SYT16: variants seen among roughly 807,000 people sequenced by gnomAD.
SYT16 encodes the protein synaptotagmin 16, also known as synaptotagmin-16.
A neutral mutation model predicts 61.4 loss-of-function variants in SYT16; 42 were observed. The ratio of observed to expected loss-of-function variants is 0.68; its 90% CI spans 0.53 to 0.89. The LOEUF (loss-of-function observed/expected upper bound fraction) is 0.89, where lower values mean the gene tolerates loss of function less well. Ranked by LOEUF, SYT16 falls within the 40% of genes least tolerant of loss-of-function variation. SYT16 has a pLI of 0.00. For synonymous variants in SYT16, 314 were observed against 302.3 expected (o/e 1.04, Z -0.40); for missense variants, 804 against 807.3 (o/e 1.00, Z 0.05).
intron 3 of SYT16, among the ~76,000 whole-genome samples, chr14:61,998,821 G>A (rs2052874525): frequency 6.6e-6 from 1 of 151,700 alleles, no homozygotes; most frequent in Non-Finnish European, 1.5e-5. Context: ...CTTTATTATG[G>A]TGAAGTTCCC....
chr14:62,075,799 A>T (rs7160693), intron 5 of SYT16, among the ~76,000 whole-genome samples: 2,826 of 152,254 alleles, frequency 0.019, 62 homozygotes, highest in African/African-American at 0.063. Context: ...TATTTAGCCC[A>T]AATCTCAAGT....
At chr14:61,882,111 CA>C (rs1381100664) in intron 1 of SYT16, among the ~76,000 whole-genome samples, 1 of 152,184 alleles carries the variant, frequency 6.6e-6, no homozygotes, top group East Asian at 1.9e-4. Context: ...CTCCACATAG[CA>C]GCCAAAGTGA....
chr14:61,875,890 GT>G (rs1054618029), intron 1 of SYT16, among the ~76,000 whole-genome samples: 1 of 152,166 alleles, frequency 6.6e-6, no homozygotes, highest in Non-Finnish European at 1.5e-5. Context: ...TTTGTCCCAG[GT>G]GCCAAGGAAG....
chr14:61,817,874 A>G (rs2045491265), intron 1 of SYT16, among the ~76,000 whole-genome samples: 1 of 152,218 alleles, frequency 6.6e-6, no homozygotes, highest in Non-Finnish European at 1.5e-5. Flanking sequence ...GTATGTGTGC[A>G]TTTATATGTA....
At chr14:62,015,413 A>G (rs2053630920) in intron 3 of SYT16, among the ~76,000 whole-genome samples, 1 of 152,228 alleles carries the variant, frequency 6.6e-6, no homozygotes, top group Admixed American at 6.5e-5. Flanking sequence ...ACAGATTATT[A>G]GAAGAATGCA....
chr14:62,095,529 T>A (rs369090758), intron 7 of SYT16, among the ~76,000 whole-genome samples: 3 of 151,576 alleles, frequency 2.0e-5, no homozygotes, highest in East Asian at 3.8e-4. Context: ...CAAAAAATAA[T>A]AAAAGATGAA....
chr14:62,059,896 G>A (rs1380812459), intron 3 of SYT16, among the ~76,000 whole-genome samples: 3 of 151,770 alleles, frequency 2.0e-5, no homozygotes, highest in South Asian at 2.1e-4. Context: ...ATTGAATTAC[G>A]TTGGCACTGT....
chr14:61,915,223 G>A (rs2049075729), intron 1 of SYT16, among the ~76,000 whole-genome samples: 1 of 152,042 alleles, frequency 6.6e-6, no homozygotes, highest in African/African-American at 2.4e-5. Flanking sequence ...AGATGAACAT[G>A]GCTTTAGATT....
intron 3 of SYT16, among the ~76,000 whole-genome samples, chr14:62,012,096 A>G (rs1458186452): frequency 6.6e-6 from 1 of 151,862 alleles, no homozygotes; most frequent in Non-Finnish European, 1.5e-5. Context: ...ATTACTACAC[A>G]TTTAGTGGCT....
At chr14:61,817,471 G>A (rs2045479782) in intron 1 of SYT16, among the ~76,000 whole-genome samples, 1 of 151,386 alleles carries the variant, frequency 6.6e-6, no homozygotes, top group South Asian at 2.1e-4. Flanking sequence ...TGTACTTCCT[G>A]ATAGGAAGCA....
chr14:61,818,774 CTTGTT>C (rs893813503), intron 1 of SYT16, among the ~76,000 whole-genome samples: 4 of 151,832 alleles, frequency 2.6e-5, no homozygotes, highest in African/African-American at 9.7e-5. Context: ...GGGCTGTGCA[CTTGTT>C]TTAAGTTTGA....
intron 1 of SYT16, among the ~76,000 whole-genome samples, chr14:61,924,739 G>A (rs1363631893): frequency 6.6e-6 from 1 of 152,174 alleles, no homozygotes; most frequent in Non-Finnish European, 1.5e-5. Context: ...AAATGGCAAT[G>A]ATGAACAGTA....
intron 3 of SYT16, among the ~76,000 whole-genome samples, chr14:62,012,325 G>A (rs879228232): frequency 6.6e-6 from 1 of 152,274 alleles, no homozygotes; most frequent in East Asian, 1.9e-4. Flanking sequence ...GAGGGCCCCA[G>A]CTTCTTGCTG....
chr14:62,076,507 T>C (rs8008645), intron 5 of SYT16, among the ~76,000 whole-genome samples: 64,884 of 151,272 alleles, frequency 0.43, 14,325 homozygotes, highest in African/African-American at 0.52. Flanking sequence ...CATGTTGGCG[T>C]GTGTAGGTAG....
In SYT16 at chr14:62,111,112, A is replaced by G. The variant is rs963579656; in HGVS notation, c.*10405A>G. The G allele has an allele frequency of 6.6e-6, 1 of 152,118 alleles. No homozygotes were observed. Among genetic ancestry groups the G allele is most frequent in the African/African-American group, 2.4e-5 (1 of 41,458 alleles). 9.4% of individuals were successfully genotyped at this position (152,118 alleles called of 1,614,324 possible). ...CTTTCTCAATATTTTTGGTCTTCAT[A>G]TGGCATCTGAAACAGTTGTTCACAT... On this transcript the variant is annotated 3_prime_UTR_variant, in exon 8 of 8. Transcript: ENST00000683842.
chr14:61,870,090 T>G (rs1006881331), intron 1 of SYT16, among the ~76,000 whole-genome samples: 1 of 152,232 alleles, frequency 6.6e-6, no homozygotes, highest in African/African-American at 2.4e-5. Context: ...CATCCCTTTG[T>G]GTAGATACAA....
chr14:61,827,214 A>C (rs1383626009), intron 1 of SYT16, among the ~76,000 whole-genome samples: 1 of 152,134 alleles, frequency 6.6e-6, no homozygotes, highest in Non-Finnish European at 1.5e-5. Flanking sequence ...CCTTTCTGCC[A>C]GTTCTCCTGT....
At chr14:62,045,575 T>C (rs922927971) in intron 3 of SYT16, among the ~76,000 whole-genome samples, 6 of 152,102 alleles carry the variant, frequency 3.9e-5, no homozygotes, top group Non-Finnish European at 5.9e-5. Context: ...TAACATTAGG[T>C]ATATCTCCTA....
intron 1 of SYT16, among the ~76,000 whole-genome samples, chr14:61,915,690 T>C (rs978980552): frequency 6.6e-5 from 10 of 152,226 alleles, no homozygotes; most frequent in Non-Finnish European, 1.5e-4. Context: ...TAGATATCTA[T>C]ATGAAGTTCA....
Sources: allele counts gnomAD v4.1 joint callset (sites outside exome capture counted in the v4.1 genomes callset), GRCh38; gene constraint gnomAD v4.1.1; transcripts MANE v1.5; gene names NCBI Gene and HGNC (gene_info 2026-07-23, HGNC 2026-07-21).